Variants in NYAP2 observed in about 807,000 individuals in gnomAD.
NYAP2 encodes neuronal tyrosine-phosphorylated phosphoinositide-3-kinase adaptor 2, also known as neuronal tyrosine-phosphorylated phosphoinositide-3-kinase adapter 2.
A neutral mutation model predicts 50.4 loss-of-function variants in NYAP2; 23 were observed. The ratio of observed to expected loss-of-function variants is 0.46; its 90% CI spans 0.33 to 0.65. The LOEUF (loss-of-function observed/expected upper bound fraction) is 0.65, where lower values mean the gene tolerates loss of function less well. NYAP2 is among the 30% of genes least tolerant of loss of function. The probability of loss-of-function intolerance (pLI) is 0.02; values close to 1 mark genes in which losing one functional copy is unlikely to be tolerated. For synonymous variants in NYAP2, 394 were observed against 365.2 expected (o/e 1.08, Z -0.90); for missense variants, 885 against 861.0 (o/e 1.03, Z -0.35).
At chr2:225,437,581 T>A (rs1366693969) in intron 3 of NYAP2, among the ~76,000 whole-genome samples, 1 of 152,204 alleles carries the variant, frequency 6.6e-6, no homozygotes, top group Non-Finnish European at 1.5e-5. Context: ...TGGTAGTATT[T>A]TGAACTCATT....
intron 3 of NYAP2, among the ~76,000 whole-genome samples, chr2:225,411,689 G>C (rs1181410952): frequency 6.6e-6 from 1 of 152,142 alleles, no homozygotes; most frequent in Admixed American, 6.5e-5. Context: ...CAGTAAGAAC[G>C]GTTAGTGAGA....
At chr2:225,570,612 A>C (rs555291679) in intron 4 of NYAP2, among the ~76,000 whole-genome samples, 76 of 152,180 alleles carry the variant, frequency 5.0e-4, no homozygotes, top group Non-Finnish European at 8.7e-4. Context: ...TGAGAACAGC[A>C]TGGGGGAAAC....
At chr2:225,440,088 T>C (rs1412798570) in intron 3 of NYAP2, among the ~76,000 whole-genome samples, 1 of 152,160 alleles carries the variant, frequency 6.6e-6, no homozygotes, top group Non-Finnish European at 1.5e-5. Context: ...CTCCACATGG[T>C]CCCACACTTG....
chr2:225,447,690 T>C (rs1689584306), intron 3 of NYAP2, among the ~76,000 whole-genome samples: 1 of 152,108 alleles, frequency 6.6e-6, no homozygotes, highest in African/African-American at 2.4e-5. Context: ...GTTGAAATAT[T>C]AAATAACATA....
At chr2:225,446,244 CTCTATATATA>C (rs1456799552) in intron 3 of NYAP2, among the ~76,000 whole-genome samples, 190 of 112,116 alleles carry the variant, frequency 1.7e-3, no homozygotes, top group African/African-American at 5.4e-3. Context: ...CTCTCTCTCT[CTCTATATATA>C]TATATATATA....
intron 3 of NYAP2, among the ~76,000 whole-genome samples, chr2:225,478,152 A>C (rs1220956656): frequency 6.6e-6 from 1 of 152,180 alleles, no homozygotes; most frequent in East Asian, 1.9e-4. Context: ...GGCAAACTAC[A>C]CTTAGTATAG....
chr2:225,701,321 T>C, the NYAP2 span: 1 of 151,790 alleles, frequency 6.6e-6, no homozygotes, highest in African/African-American at 2.4e-5. Context: ...ATAAAGCTCA[T>C]ATTTCTAGCA....
chr2:225,534,132 G>A (rs986183811), intron 4 of NYAP2, among the ~76,000 whole-genome samples: 6 of 152,174 alleles, frequency 3.9e-5, no homozygotes, highest in Non-Finnish European at 5.9e-5. Flanking sequence ...ATTTGGAGAT[G>A]TTGAGAAAAC....
chr2:225,671,382 C>G, the NYAP2 span, among the ~76,000 whole-genome samples: 23 of 152,126 alleles, frequency 1.5e-4, no homozygotes, highest in African/African-American at 5.6e-4. Flanking sequence ...AAACCACTTT[C>G]TTTGTTCATC....
chr2:225,573,998 AC>A (rs1692125217), intron 4 of NYAP2, among the ~76,000 whole-genome samples: 1 of 152,136 alleles, frequency 6.6e-6, no homozygotes, highest in Non-Finnish European at 1.5e-5. Context: ...AGACTGTCAA[AC>A]GAAATTTGCC....
At chr2:225,549,901 C>T (rs186550866) in intron 4 of NYAP2, among the ~76,000 whole-genome samples, 1 of 152,126 alleles carries the variant, frequency 6.6e-6, no homozygotes, top group African/African-American at 2.4e-5. Context: ...AGGAGAATCA[C>T]TTGAACTCAG....
chr2:225,592,623 T>C (rs962536289), intron 5 of NYAP2, among the ~76,000 whole-genome samples: 1 of 152,186 alleles, frequency 6.6e-6, no homozygotes, highest in African/African-American at 2.4e-5. Context: ...ATTTTGAAAA[T>C]TCGTGTGACT....
intron 3 of NYAP2, among the ~76,000 whole-genome samples, chr2:225,472,429 T>C (rs146796786): frequency 1.3e-5 from 2 of 152,274 alleles, no homozygotes; most frequent in East Asian, 1.9e-4. Context: ...GTGAGTGTGT[T>C]TGGCTAACTG....
intron 3 of NYAP2, among the ~76,000 whole-genome samples, chr2:225,442,930 A>G (rs1689493574): frequency 6.6e-6 from 1 of 152,182 alleles, no homozygotes. Flanking sequence ...ACGCCTCACA[A>G]TCATAGCAGA....
the NYAP2 span, among the ~76,000 whole-genome samples, chr2:225,670,827 C>A: frequency 6.6e-6 from 1 of 151,998 alleles, no homozygotes; most frequent in Non-Finnish European, 1.5e-5. Context: ...TGCAATAAAG[C>A]AAGTCTCAAT....
intron 3 of NYAP2, among the ~76,000 whole-genome samples, chr2:225,455,994 G>A (rs140789725): frequency 7.8e-4 from 119 of 152,282 alleles, no homozygotes; most frequent in African/African-American, 2.8e-3. Context: ...ATTTCTAGAG[G>A]CACTGGTCCA....
exon 7 of NYAP2, chr2:225,651,567 T>C (rs374177781): frequency 3.9e-5 from 63 of 1,613,472 alleles, no homozygotes; most frequent in Middle Eastern, 1.6e-4. Context: ...CGTGATTGAC[T>C]TCCTGTGATA....
At chr2:225,513,566 A>G (rs1278621571) in exon 4 of NYAP2, 2 of 1,606,684 alleles carry the variant, frequency 1.2e-6, no homozygotes, top group Admixed American at 3.4e-5. Context: ...GGAGACAACC[A>G]CCACCCAAAC....
chr2:225,527,490 T>C (rs2106194891), intron 4 of NYAP2, among the ~76,000 whole-genome samples: 1 of 152,256 alleles, frequency 6.6e-6, no homozygotes, highest in South Asian at 2.1e-4. Flanking sequence ...CAAAACTTCT[T>C]TTTATTATTT....
Sources: gnomAD v4.1 joint callset for allele counts (sites outside exome capture counted in the v4.1 genomes callset) on GRCh38, gnomAD v4.1.1 for gene constraint, MANE v1.5 for transcripts, NCBI Gene and HGNC (gene_info 2026-07-23, HGNC 2026-07-21) for gene names.